Variants in NR1I2 observed in about 807,000 individuals in gnomAD.
NR1I2 encodes nuclear receptor subfamily 1 group I member 2, also known as orphan nuclear receptor PAR1.
In NR1I2, 42 loss-of-function variants were observed where a neutral mutation model predicts 43.3. That is an observed-to-expected ratio of 0.97 (90% CI 0.76 to 1.26). NR1I2 has a LOEUF of 1.26. Among genes scored for constraint, NR1I2 ranks in the 50% most tolerant of loss-of-function variants. The pLI is 0.00. For synonymous variants in NR1I2, 229 were observed against 215.0 expected (o/e 1.06, Z -0.57); for missense variants, 559 against 566.7 (o/e 0.99, Z 0.14).
intron 1 of NR1I2, among the ~76,000 whole-genome samples, chr3:119,783,664 C>G (rs1037169567): frequency 6.6e-6 from 1 of 152,176 alleles, no homozygotes; most frequent in African/African-American, 2.4e-5. Flanking sequence ...TGATTTCATG[C>G]TCCTTGAAAA....
intron 3 of NR1I2, 172 bp from the exon 4 acceptor site, chr3:119,811,367 A>T: frequency 1.6e-6 from 1 of 641,310 alleles, no homozygotes; most frequent in South Asian, 2.0e-5. Flanking sequence ...GTGTTTCTCC[A>T]GAAGAGCCCA....
chr3:119,814,720 G>A (rs886806211), intron 5 of NR1I2, among the ~76,000 whole-genome samples: 1 of 152,198 alleles, frequency 6.6e-6, no homozygotes, highest in Non-Finnish European at 1.5e-5. Flanking sequence ...AGCCTGTAAG[G>A]GACCTGGATG....
intron 4 of NR1I2, 93 bp downstream of exon 4, chr3:119,811,819 G>A (rs1202628633): frequency 8.3e-7 from 1 of 1,198,876 alleles, no homozygotes; most frequent in Non-Finnish European, 1.2e-6. Context: ...ACTTATACAA[G>A]GTCACAGCTA....
intron 1 of NR1I2, among the ~76,000 whole-genome samples, chr3:119,805,717 C>CCCCCCCCA (rs561350711): frequency 3.1e-5 from 3 of 96,620 alleles, no homozygotes; most frequent in Non-Finnish European, 4.0e-5. Flanking sequence ...TCCCCCCCAC[C>CCCCCCCCA]AAAAAAAAAA....
At position 119,809,572 on chromosome 3, in the gene NR1I2, G is replaced by T. The variant is rs1459903708; in HGVS notation, c.198-489G>T. On this transcript the variant is annotated intron_variant, in intron 2 of 8. Coordinates refer to ENST00000393716, the MANE Select transcript of NR1I2 (RefSeq NM_003889.4). Reference sequence around the variant, plus strand: ...TGGGGGGAAGGCGGGGGGGAAGGCGGGGGGGTGGGGCGGGCTTCTCTGGTT... The same window carrying T: ...TGGGGGGAAGGCGGGGGGGAAGGCGTGGGGGTGGGGCGGGCTTCTCTGGTT... Among the ~76,000 whole-genome samples the T allele has an allele frequency of 1.0e-4, 15 of 146,324 alleles. No individual in the cohort carries two copies. The South Asian group carries it at 3.5e-3, about 34-fold the overall frequency.
At chr3:119,789,798 A>G (rs1178507626) in intron 1 of NR1I2, among the ~76,000 whole-genome samples, 1 of 152,144 alleles carries the variant, frequency 6.6e-6, no homozygotes, top group Non-Finnish European at 1.5e-5. Context: ...CACCCCAACC[A>G]GTCTACTATT....
At chr3:119,814,040 G>A (rs944949103) in intron 5 of NR1I2, among the ~76,000 whole-genome samples, 3 of 152,176 alleles carry the variant, frequency 2.0e-5, no homozygotes, top group Non-Finnish European at 4.4e-5. Flanking sequence ...CTCGATGCCA[G>A]GTCCTAAGCT....
chr3:119,810,110 G>C lies in NR1I2; in HGVS notation c.247G>C (p.Ala83Pro). The C allele has an allele frequency of 1.2e-6, 2 of 1,613,750 alleles. No individual in the cohort carries two copies. Among genetic ancestry groups the C allele is most frequent in the Non-Finnish European group, 1.7e-6 (2 of 1,179,944 alleles). ...GCTGAGGTGCCCCTTCCGGAAGGGCGCCTGCGAGATCACCCGGAAGACCCG... is the reference window on the plus strand; with the variant it reads ...GCTGAGGTGCCCCTTCCGGAAGGGCCCCTGCGAGATCACCCGGAAGACCCG... Residue 83 changes from alanine to proline, a missense_variant, in exon 3 of 9, where the codon GCC (alanine) becomes CCC (proline). Physicochemically the swap from Ala to Pro is conservative, Grantham distance 27. Transcript: ENST00000393716.
intron 1 of NR1I2, chr3:119,802,840 T>C (rs1244638108): frequency 6.6e-6 from 3 of 456,148 alleles, no homozygotes; most frequent in Non-Finnish European, 1.3e-5. Context: ...TCAACACATG[T>C]CTGTTGAGCA....
Position 119,817,727 on chromosome 3 carries a change from C to T in NR1I2, c.*515C>T, listed in dbSNP as rs537146171. ...TTGTGGGCTCCAGGCCTGTACTCAT[C>T]GGCAGGCGCATGAGTATCTGTGGGA... On this transcript the variant is annotated 3_prime_UTR_variant, in exon 9 of 9. Coordinates refer to ENST00000393716, the MANE Select transcript of NR1I2 (RefSeq NM_003889.4). 4.2e-5 allele frequency: 44 copies of T among 1,045,228 alleles called. No individual in the cohort carries two copies. The South Asian group carries it at 1.2e-3, about 29-fold the overall frequency. 64.7% of individuals were successfully genotyped at this position (1,045,228 alleles called of 1,614,324 possible).
At chr3:119,786,081 C>T (rs1365916799) in intron 1 of NR1I2, among the ~76,000 whole-genome samples, 1 of 152,180 alleles carries the variant, frequency 6.6e-6, no homozygotes, top group Non-Finnish European at 1.5e-5. Context: ...AATTATATAG[C>T]TCATCCCAAG....
In NR1I2 at chr3:119,811,625, GTGCAGGGGC is replaced by G. The variant is rs754166003; in HGVS notation, c.421_429del (p.Gln141_Leu143del). On this transcript the variant is annotated inframe_deletion, in exon 4 of 9. Coordinates refer to ENST00000393716, the MANE Select transcript of NR1I2 (RefSeq NM_003889.4). The stretch of plus-strand genomic sequence containing the variant: ...ACGGACAGGGACTCAGCCACTGGGA[GTGCAGGGGC>G]TGACAGAGGAGCAGCGGATGATGAT... 27 of 1,613,898 alleles carry G rather than the reference GTGCAGGGGC, an allele frequency of 1.7e-5. No homozygotes were observed. In the East Asian group the frequency reaches 4.5e-4, roughly 27 times the overall value.
rs761509175 is a variant in NR1I2 at position 119,815,846 on chromosome 3, G to A, written c.1160+15G>A. ...CCTGCTCATAGGTGAGCACAGCAGGGGGTGAGGACCCGTGAGGGTGATGTG... is the reference window on the plus strand; with the variant it reads ...CCTGCTCATAGGTGAGCACAGCAGGAGGTGAGGACCCGTGAGGGTGATGTG... On this transcript the variant is annotated intron_variant, in intron 8 of 8. Transcript: ENST00000393716. 5.7e-6 allele frequency: 9 copies of A among 1,589,254 alleles called. No individual in the cohort carries two copies. In the East Asian group the frequency reaches 2.0e-4, roughly 36 times the overall value.
At position 119,815,132 on chromosome 3, in the gene NR1I2, G is replaced by GAGCC. The variant is rs1439135905; in HGVS notation, c.937+12_937+15dup. The stretch of plus-strand genomic sequence containing the variant: ...TGGAAGACACTGCAGGTGCCCGAGA[G>GAGCC]AGCCTGCCTGCCCTGGCAGAGGGAG... On this transcript the variant is annotated intron_variant, in intron 6 of 8. Coordinates refer to ENST00000393716, the MANE Select transcript of NR1I2 (RefSeq NM_003889.4). 1.2e-6 allele frequency: 2 copies of GAGCC among 1,614,120 alleles called. No homozygotes were observed. Among genetic ancestry groups the GAGCC allele is most frequent in the South Asian group, 2.2e-5 (2 of 91,072 alleles).
intron 1 of NR1I2, among the ~76,000 whole-genome samples, chr3:119,793,052 C>T (rs985047364): frequency 6.6e-6 from 1 of 152,044 alleles, no homozygotes; most frequent in Non-Finnish European, 1.5e-5. Context: ...CCGGCACCTC[C>T]TCTCTCTCTT....
At chr3:119,789,498 C>T (rs1470729343) in intron 1 of NR1I2, among the ~76,000 whole-genome samples, 1 of 152,212 alleles carries the variant, frequency 6.6e-6, no homozygotes, top group Non-Finnish European at 1.5e-5. Flanking sequence ...GAGACTTATT[C>T]ACTGCCATGA....
chr3:119,791,449 A>G (rs2054917619), intron 1 of NR1I2, among the ~76,000 whole-genome samples: 2 of 152,178 alleles, frequency 1.3e-5, no homozygotes, highest in Non-Finnish European at 2.9e-5. Flanking sequence ...ACCAATGTTG[A>G]CAGCTCATGT....
intron 1 of NR1I2, among the ~76,000 whole-genome samples, chr3:119,788,255 A>G (rs982170645): frequency 2.0e-5 from 3 of 152,056 alleles, no homozygotes; most frequent in Non-Finnish European, 4.4e-5. Flanking sequence ...CTGGGACTAC[A>G]GGTGTGTGCC....
At chr3:119,783,909 A>G (rs965857637) in intron 1 of NR1I2, among the ~76,000 whole-genome samples, 3 of 152,124 alleles carry the variant, frequency 2.0e-5, no homozygotes, top group Non-Finnish European at 4.4e-5. Context: ...ATAGAGCTCT[A>G]CTTCATTTAT....
Sources: allele counts gnomAD v4.1 joint callset (sites outside exome capture counted in the v4.1 genomes callset), GRCh38; gene constraint gnomAD v4.1.1; transcripts MANE v1.5; gene names NCBI Gene and HGNC (gene_info 2026-07-23, HGNC 2026-07-21).